GRIP1: variants seen among roughly 807,000 people sequenced by gnomAD.
GRIP1 encodes glutamate receptor interacting protein 1.
Under a neutral mutation model 129.9 loss-of-function variants are expected in GRIP1, and 45 were observed. The ratio of observed to expected loss-of-function variants is 0.35; its 90% CI spans 0.27 to 0.44. The LOEUF is 0.44. Ranked by LOEUF, GRIP1 falls within the 20% of genes least tolerant of loss-of-function variation. The pLI is 1.00. For synonymous variants in GRIP1, 530 were observed against 520.8 expected, an observed-to-expected ratio of 1.02 and a Z score of -0.24; for missense variants, 1,196 against 1,396.8, an observed-to-expected ratio of 0.86 and a Z score of 2.29.
upstream of GRIP1, among the ~76,000 whole-genome samples, chr12:66,679,441 A>C (rs2034492666): frequency 1.2e-5 from 1 of 85,380 alleles, no homozygotes; most frequent in African/African-American, 5.7e-5. Flanking sequence ...TTTAAACAAC[A>C]ACCAAAAAAA....
At chr12:66,484,327 G>T (rs1220302957) in intron 7 of GRIP1, among the ~76,000 whole-genome samples, 1 of 152,140 alleles carries the variant, frequency 6.6e-6, no homozygotes, top group Non-Finnish European at 1.5e-5. Flanking sequence ...TTCATGAGGT[G>T]ACCCATGCTA....
chr12:66,890,007 G>A lies in GRIP1; in HGVS notation c.58+179043C>T, dbSNP rs538157558. On this transcript the variant is annotated intron_variant, in intron 1 of 1. Transcript: ENST00000643019. ...TGCAGTGGTGTAATCACGGCTCAAT[G>A]TAGCCTTGACCTCCCAGGCTCTCAA... 5.3e-5 allele frequency among the ~76,000 whole-genome samples: 8 copies of A among 151,972 alleles called. No individual in the cohort carries two copies. The South Asian group carries it at 1.7e-3, about 32-fold the overall frequency.
At chr12:66,776,947 A>C (rs774242169) in intron 1 of GRIP1, among the ~76,000 whole-genome samples, 3 of 152,206 alleles carry the variant, frequency 2.0e-5, no homozygotes, top group Non-Finnish European at 4.4e-5. Context: ...TCCTGCACAT[A>C]AGATCACACA....
intron 1 of GRIP1, among the ~76,000 whole-genome samples, chr12:66,673,513 T>C (rs1175038710): frequency 6.6e-6 from 1 of 152,160 alleles, no homozygotes; most frequent in Admixed American, 6.5e-5. Flanking sequence ...CAAAATTTCC[T>C]CTGGAGGATG....
At chr12:66,454,055 T>A (rs1480492821) in intron 11 of GRIP1, among the ~76,000 whole-genome samples, 1 of 152,210 alleles carries the variant, frequency 6.6e-6, no homozygotes, top group Non-Finnish European at 1.5e-5. Context: ...AATCTCCTTA[T>A]ATGTAAAAGT....
chr12:67,063,645 T>G (rs1279545564), intron 1 of GRIP1, among the ~76,000 whole-genome samples: 3 of 152,242 alleles, frequency 2.0e-5, no homozygotes, highest in Non-Finnish European at 4.4e-5. Flanking sequence ...TATTATAATT[T>G]AATTGAAAAT....
At chr12:66,671,771 C>A (rs1298522801) in intron 1 of GRIP1, among the ~76,000 whole-genome samples, 2 of 152,156 alleles carry the variant, frequency 1.3e-5, no homozygotes, top group East Asian at 1.9e-4. Context: ...CTCTCTGCCA[C>A]CTCTATTAGC....
chr12:66,715,471 T>TGTGTGTGTGTGTGTGTGTGTGTGTGTGA (rs761155485), intron 1 of GRIP1, among the ~76,000 whole-genome samples: 53 of 110,136 alleles, frequency 4.8e-4, no homozygotes, highest in East Asian at 2.0e-3. Context: ...TGTGTGTGTG[T>TGTGTGTGTGTGTGTGTGTGTGTGTGTGA]GAGAGAGAGA....
chr12:67,029,878 T>A (rs2042995623), intron 1 of GRIP1, among the ~76,000 whole-genome samples: 5 of 151,906 alleles, frequency 3.3e-5, no homozygotes, highest in Admixed American at 2.6e-4. Flanking sequence ...TAGATGTTTT[T>A]ATCTACTAAT....
chr12:66,983,959 T>C (rs1260946716), intron 1 of GRIP1, among the ~76,000 whole-genome samples: 1 of 152,134 alleles, frequency 6.6e-6, no homozygotes, highest in African/African-American at 2.4e-5. Flanking sequence ...ACTCCTATCT[T>C]TGCAGCACAC....
intron 1 of GRIP1, among the ~76,000 whole-genome samples, chr12:66,809,372 C>T (rs2039059025): frequency 6.6e-6 from 1 of 152,136 alleles, no homozygotes; most frequent in South Asian, 2.1e-4. Context: ...AACACACAGT[C>T]TATAAGAGAA....
In GRIP1 at chr12:66,678,838, A is replaced by G. The variant is rs767212300; in HGVS notation, c.55+12T>C. ...CAGACTCGCTGAGGGAATAACAAGGAAAGCACGATACCTTTAGTAAGTCGC... is the reference window on the plus strand; with the variant it reads ...CAGACTCGCTGAGGGAATAACAAGGGAAGCACGATACCTTTAGTAAGTCGC... On this transcript the variant is annotated intron_variant, in intron 1 of 24. Transcript: ENST00000359742. 6.2e-7 allele frequency: 1 copy of G among 1,612,394 alleles called. No homozygotes were observed. Among genetic ancestry groups the G allele is most frequent in the South Asian group, 1.1e-5 (1 of 91,046 alleles).
intron 1 of GRIP1, among the ~76,000 whole-genome samples, chr12:66,912,885 G>A (rs2041054039): frequency 6.6e-6 from 1 of 152,074 alleles, no homozygotes; most frequent in Non-Finnish European, 1.5e-5. Context: ...CTCAGGTGTG[G>A]CTGTTACAGG....
At chr12:66,525,251 G>A (rs1433924493) in intron 5 of GRIP1, among the ~76,000 whole-genome samples, 2 of 150,464 alleles carry the variant, frequency 1.3e-5, no homozygotes, top group Admixed American at 6.7e-5. Context: ...AGACCAATAT[G>A]CTTGATGAAC....
At chr12:66,562,674 G>A (rs1367845435) in intron 2 of GRIP1, among the ~76,000 whole-genome samples, 2 of 152,010 alleles carry the variant, frequency 1.3e-5, no homozygotes, top group East Asian at 3.9e-4. Flanking sequence ...CTGGCATTAT[G>A]TATCTTTGTT....
intron 1 of GRIP1, among the ~76,000 whole-genome samples, chr12:66,743,263 C>T (rs1004689989): frequency 7.9e-5 from 12 of 151,746 alleles, no homozygotes; most frequent in South Asian, 4.2e-4. Context: ...AGTTGTATTC[C>T]CAAATATGTT....
At chr12:66,375,101 T>G (rs2055722883) in intron 22 of GRIP1, among the ~76,000 whole-genome samples, 1 of 152,156 alleles carries the variant, frequency 6.6e-6, no homozygotes, top group Non-Finnish European at 1.5e-5. Flanking sequence ...GCAGTGATCA[T>G]TAATCAAGAA....
chr12:66,581,142 T>C (rs1460668842), intron 2 of GRIP1, among the ~76,000 whole-genome samples: 1 of 152,148 alleles, frequency 6.6e-6, no homozygotes. Context: ...AACAACCTGC[T>C]CCTGAATGAC....
At chr12:67,021,891 G>C (rs923643593) in intron 1 of GRIP1, among the ~76,000 whole-genome samples, 3 of 152,092 alleles carry the variant, frequency 2.0e-5, no homozygotes, top group African/African-American at 7.2e-5. Flanking sequence ...GCATATGAGT[G>C]AGAACATGCT....
Sources: allele counts gnomAD v4.1 joint callset (sites outside exome capture counted in the v4.1 genomes callset), GRCh38; gene constraint gnomAD v4.1.1; transcripts MANE v1.5; gene names NCBI Gene and HGNC (gene_info 2026-07-23, HGNC 2026-07-21).